Variants in RORC observed in about 807,000 individuals in gnomAD.
RORC encodes the protein RAR related orphan receptor C.
RORC carries 13 observed loss-of-function variants against 64.5 expected under a neutral mutation model. The observed-to-expected ratio is 0.20, with a 90% confidence interval of 0.13 to 0.32. The LOEUF (loss-of-function observed/expected upper bound fraction) is 0.32, where lower values mean the gene tolerates loss of function less well. Ranked by LOEUF, RORC falls within the 10% of genes least tolerant of loss-of-function variation. The probability of loss-of-function intolerance (pLI) is 1.00; values close to 1 mark genes in which losing one functional copy is unlikely to be tolerated. For missense variants in RORC, 468 were observed against 669.5 expected, an observed-to-expected ratio of 0.70 and a Z score of 3.32; for synonymous variants, 277 against 259.3, an observed-to-expected ratio of 1.07 and a Z score of -0.65.
rs201459328 is a variant in RORC at position 151,817,150 on chromosome 1, G to A, written c.156+45C>T. The stretch of plus-strand genomic sequence containing the variant: ...TGTGTGTGCGCGCGCGCGCGCTTGT[G>A]TATGCACACGCACACATGCATGCAT... On this transcript the variant is annotated intron_variant, in intron 3 of 10. Coordinates refer to ENST00000318247, the MANE Select transcript of RORC (RefSeq NM_005060.4). 92 of 1,307,760 alleles carry A rather than the reference G, an allele frequency of 7.0e-5. 1 individual carries two copies. The highest frequency in any genetic ancestry group is 9.5e-5 in the Non-Finnish European group (86 of 900,770). 81.0% of individuals were successfully genotyped at this position (1,307,760 alleles called of 1,614,324 possible).
intron 10 of RORC, among the ~76,000 whole-genome samples, chr1:151,811,021 G>A (rs185036572): frequency 1.2e-4 from 18 of 152,244 alleles, no homozygotes; most frequent in African/African-American, 3.4e-4. Context: ...TGGGGGCAGC[G>A]ACCAAATCTC....
Position 151,807,760 on chromosome 1 carries a change from G to T in RORC, c.1396-127C>A. On this transcript the variant is annotated intron_variant, in intron 10 of 10. Transcript: ENST00000318247. The surrounding 1 kb of genome is among the most constrained non-coding windows in gnomAD (Gnocchi z 5.0). ...TTCCCCTTATGTACTTGGCACTTTG[G>T]CACCAGCCAAATCCCACTGGTAGAA... 1 of 965,272 alleles carries T rather than the reference G, an allele frequency of 1.0e-6. No homozygotes were observed. Among genetic ancestry groups the T allele is most frequent in the Non-Finnish European group, 1.5e-6 (1 of 656,356 alleles). The allele number at this position is 965,272 out of a possible 1,614,324, so 59.8% of individuals were successfully genotyped here. A position where few individuals can be genotyped will look rare whatever the true frequency, so the allele number is the denominator to read the frequency against.
intron 2 of RORC, among the ~76,000 whole-genome samples, chr1:151,824,861 G>A (rs552891843): frequency 1.5e-4 from 23 of 152,298 alleles, no homozygotes; most frequent in African/African-American, 4.3e-4. Context: ...AGTGATAGGC[G>A]GCACAAGTGC....
intron 2 of RORC, among the ~76,000 whole-genome samples, chr1:151,827,076 C>A (rs1652223605): frequency 6.6e-6 from 1 of 152,148 alleles, no homozygotes; most frequent in Non-Finnish European, 1.5e-5. Context: ...TGAGATAATG[C>A]CACTGCACTA....
chr1:151,811,204 TAACA>T (rs1651509194), intron 10 of RORC, 117 bp downstream of exon 10: 2 of 581,960 alleles, frequency 3.4e-6, no homozygotes, highest in African/African-American at 3.7e-5. Context: ...GCAAGCTCTC[TAACA>T]GAGAGTGGTA....
At chr1:151,811,108 G>A (rs1284710227) in intron 10 of RORC, among the ~76,000 whole-genome samples, 1 of 152,088 alleles carries the variant, frequency 6.6e-6, no homozygotes, top group South Asian at 2.1e-4. Context: ...GTTCCCTGGA[G>A]GTCCCTCCCA....
intron 4 of RORC, 94 bp downstream of exon 4, chr1:151,816,570 C>T (rs543125502): frequency 1.1e-5 from 14 of 1,293,238 alleles, no homozygotes; most frequent in South Asian, 7.7e-5. Flanking sequence ...GAGGATGGGC[C>T]GTCTTGCAGG....
intron 6 of RORC, 137 bp downstream of exon 6, chr1:151,814,437 G>A (rs1259909139): frequency 2.5e-6 from 2 of 809,890 alleles, no homozygotes; most frequent in South Asian, 1.8e-5. Context: ...CATAAAAGGT[G>A]TGCACATGCT....
chr1:151,822,252 G>C (rs1652021516), intron 2 of RORC, among the ~76,000 whole-genome samples: 2 of 147,182 alleles, frequency 1.4e-5, no homozygotes, highest in Admixed American at 1.3e-4. Context: ...CCCAGCTTCT[G>C]CAAAGCTGGA....
intron 10 of RORC, 84 bp downstream of exon 10, chr1:151,811,241 C>T: frequency 3.7e-6 from 3 of 821,000 alleles, no homozygotes; most frequent in Admixed American, 2.1e-5. Context: ...CTCCTCTGTA[C>T]CCACAGACCC....
At chr1:151,816,569 C>G in intron 4 of RORC, 95 bp downstream of exon 4, 1 of 1,287,148 alleles carries the variant, frequency 7.8e-7, no homozygotes, top group Non-Finnish European at 1.0e-6. Flanking sequence ...AGAGGATGGG[C>G]CGTCTTGCAG....
rs1651398045 is a variant in RORC at position 151,808,472 on chromosome 1, C to G, written c.1396-839G>C. 2.6e-5 allele frequency among the ~76,000 whole-genome samples: 4 copies of G among 152,336 alleles called. No homozygotes were observed. The South Asian group carries it at 8.3e-4, about 32-fold the overall frequency. On this transcript the variant is annotated intron_variant, in intron 10 of 10. Transcript: ENST00000318247. ...TCTTGCCTGCCATTGCCTCCCTCCC[C>G]CAGCTTAGTTTCCTTGGAAAGAGGC...
chr1:151,813,003 A>G lies in RORC; in HGVS notation c.1229T>C (p.Leu410Ser). ...GGCAATCTCATCCTCGGAAAAGTGC[A>G]AGGCACTTAGGGAGTGGGAGAAGTC... ...IFDFSHSLSA[L>S]HFSEDEIALY... Residue 410 changes from leucine (L) to serine (S), a missense_variant, in exon 9 of 11, where the codon TTG (leucine) becomes TCG (serine). By Grantham distance (145) the Leu-to-Ser change is moderately radical. This residue lies in a region of RORC where 100 missense variants were observed against 190.8 expected (regional missense o/e 0.52). Transcript: ENST00000318247. 1 of 1,614,074 alleles carries G rather than the reference A, an allele frequency of 6.2e-7. No homozygotes were observed. The highest frequency in any genetic ancestry group is 8.5e-7 in the Non-Finnish European group (1 of 1,179,904).
intron 9 of RORC, 46 bp downstream of exon 9, chr1:151,812,901 G>T: frequency 8.0e-7 from 1 of 1,249,758 alleles, no homozygotes; most frequent in African/African-American, 1.5e-5. Context: ...TATCTGCCAT[G>T]CCCCTGCCAC....
intron 9 of RORC, chr1:151,812,090 T>C (rs1161762648): frequency 6.6e-6 from 1 of 152,054 alleles, no homozygotes; most frequent in African/African-American, 2.4e-5. Flanking sequence ...ATATCCAGAG[T>C]CTTCCTATTA....
rs766015355 is a variant in RORC at position 151,815,236 on chromosome 1, G to A, written c.488C>T (p.Ser163Leu). Residue 163 changes from serine to leucine, a missense_variant, in exon 5 of 11, where the codon TCG becomes TTG. By Grantham distance (145) the Ser-to-Leu change is moderately radical. This residue lies in a region of RORC where 241 missense variants were observed against 295.5 expected (regional missense o/e 0.82). Coordinates refer to ENST00000318247, the MANE Select transcript of RORC (RefSeq NM_005060.4). ...GGCAGAAGCCTCAGGCAGGTCAGGCGAGGAGCCCAGGGGCAGCTGCCCGTC... is the reference window on the plus strand; with the variant it reads ...GGCAGAAGCCTCAGGCAGGTCAGGCAAGGAGCCCAGGGGCAGCTGCCCGTC... ...LPDGQLPLGS[S>L]PDLPEASACP... The A allele has an allele frequency of 3.1e-6, 5 of 1,612,330 alleles. No homozygotes were observed. The highest frequency in any genetic ancestry group is 1.3e-5 in the African/African-American group (1 of 74,850).
At chr1:151,825,920 A>T in intron 2 of RORC, 1 of 1,613,760 alleles carries the variant, frequency 6.2e-7, no homozygotes, top group Non-Finnish European at 8.5e-7. Context: ...AGGTGGCCCC[A>T]TTCACTTACT....
At position 151,830,860 on chromosome 1, in the gene RORC, C is replaced by G; in HGVS notation, c.40+865G>C. 9.3e-7 allele frequency: 1 copy of G among 1,070,820 alleles called. No individual in the cohort carries two copies. The allele number at this position is 1,070,820 out of a possible 1,614,324, so 66.3% of individuals were successfully genotyped here. ...CCACCCAGCTTCCTCCCTGACGTGG[C>G]ACCGGCTCCTGGCCTCTAGCCTTGC... On this transcript the variant is annotated intron_variant, in intron 1 of 10. Coordinates refer to ENST00000318247, the MANE Select transcript of RORC (RefSeq NM_005060.4). The surrounding 1 kb of genome is among the most constrained non-coding windows in gnomAD (Gnocchi z 4.0).
intron 10 of RORC, among the ~76,000 whole-genome samples, chr1:151,808,043 G>C (rs1651381202): frequency 6.6e-6 from 1 of 152,114 alleles, no homozygotes; most frequent in African/African-American, 2.4e-5. Flanking sequence ...CCTCTCCTAA[G>C]ACTATTTCCC....
Sources: allele counts gnomAD v4.1 joint callset (sites outside exome capture counted in the v4.1 genomes callset), GRCh38; gene constraint gnomAD v4.1.1; regional missense constraint gnomAD v4.1.1; non-coding constraint Gnocchi (gnomAD v3.1); transcripts MANE v1.5; gene names NCBI Gene and HGNC (gene_info 2026-07-23, HGNC 2026-07-21).